The following CMTM4 variants were observed in gnomAD, a reference collection of about 807,000 sequenced individuals.
CMTM4 encodes the protein CKLF like MARVEL transmembrane domain containing 4.
In CMTM4, 8 loss-of-function variants were observed where a neutral mutation model predicts 19.0. The ratio of observed to expected loss-of-function variants is 0.42; its 90% CI spans 0.25 to 0.76. The LOEUF (loss-of-function observed/expected upper bound fraction) is 0.76, where lower values mean the gene tolerates loss of function less well. Ranked by LOEUF, CMTM4 falls within the 30% of genes least tolerant of loss-of-function variation. CMTM4 has a pLI of 0.27. For synonymous variants in CMTM4, 106 were observed against 121.1 expected (o/e 0.88, Z 0.82); for missense variants, 228 against 290.2 (o/e 0.79, Z 1.56).
intron 1 of CMTM4, among the ~76,000 whole-genome samples, chr16:66,655,599 T>C (rs2016385542): frequency 6.7e-6 from 1 of 150,372 alleles, no homozygotes; most frequent in East Asian, 1.9e-4. Context: ...ATTACATACA[T>C]ATATACGAGA....
At position 66,621,225 on chromosome 16, in the gene CMTM4, C is replaced by G. The variant is rs541034354; in HGVS notation, c.*833G>C. The stretch of plus-strand genomic sequence containing the variant: ...CACCTCCCACCTGCGGTTCATGAAG[C>G]CAGCAAATGGGCAAGTGCTTTGGCT... On this transcript the variant is annotated 3_prime_UTR_variant, in exon 4 of 4. Coordinates refer to ENST00000394106, the MANE Select transcript of CMTM4 (RefSeq NM_181521.3). 2.0e-6 allele frequency: 2 copies of G among 985,606 alleles called. No individual in the cohort carries two copies. Among genetic ancestry groups the G allele is most frequent in the East Asian group, 1.1e-4 (1 of 8,820 alleles). The allele number at this position is 985,606 out of a possible 1,614,324, so 61.1% of individuals were successfully genotyped here.
intron 1 of CMTM4, among the ~76,000 whole-genome samples, chr16:66,637,897 AAATG>A (rs2016027069): frequency 6.6e-6 from 1 of 152,192 alleles, no homozygotes; most frequent in Admixed American, 6.5e-5. Flanking sequence ...AGCTTGTGGG[AAATG>A]CAGAATCTCT....
chr16:66,663,279 C>T (rs1464869501), intron 1 of CMTM4, among the ~76,000 whole-genome samples: 3 of 152,128 alleles, frequency 2.0e-5, no homozygotes, highest in Non-Finnish European at 4.4e-5. Flanking sequence ...AAAAGACAAT[C>T]AACAGATGCC....
At chr16:66,627,132 C>G (rs2015758341) in intron 2 of CMTM4, among the ~76,000 whole-genome samples, 1 of 151,960 alleles carries the variant, frequency 6.6e-6, no homozygotes. Flanking sequence ...TGATATAAGG[C>G]AAAAAGGTCT....
At chr16:66,601,032 A>G in the CMTM4 span, among the ~76,000 whole-genome samples, 11 of 151,880 alleles carry the variant, frequency 7.2e-5, no homozygotes, top group African/African-American at 2.7e-4. Flanking sequence ...GCAAAGAGTT[A>G]TATTTTCCTT....
In CMTM4 at chr16:66,617,856, G is replaced by A; in HGVS notation, c.*4202C>T. On this transcript the variant is annotated 3_prime_UTR_variant, in exon 4 of 4. Coordinates refer to ENST00000394106, the MANE Select transcript of CMTM4 (RefSeq NM_181521.3). Reference sequence around the variant, plus strand: ...ACAGGACGGGAAAGACCTGTCCCCAGCATCCCACTCTTGCCCTCAAGCTGA... The same window carrying A: ...ACAGGACGGGAAAGACCTGTCCCCAACATCCCACTCTTGCCCTCAAGCTGA... 1.0e-6 allele frequency: 1 copy of A among 989,948 alleles called. No homozygotes were observed. Among genetic ancestry groups the A allele is most frequent in the Non-Finnish European group, 1.2e-6 (1 of 832,928 alleles). The allele number at this position is 989,948 out of a possible 1,614,324, so 61.3% of individuals were successfully genotyped here. A position where few individuals can be genotyped will look rare whatever the true frequency, so the allele number is the denominator to read the frequency against.
intron 1 of CMTM4, among the ~76,000 whole-genome samples, chr16:66,685,873 G>A (rs1162622905): frequency 2.0e-5 from 3 of 152,150 alleles, no homozygotes; most frequent in African/African-American, 7.2e-5. Context: ...TCGAACTCCT[G>A]AGCTCAGGCA....
intron 1 of CMTM4, among the ~76,000 whole-genome samples, chr16:66,648,294 C>G (rs2144834464): frequency 6.6e-6 from 1 of 152,344 alleles, no homozygotes; most frequent in South Asian, 2.1e-4. Flanking sequence ...TTGTTACTAC[C>G]TAGTATTCTT....
rs1249878054 is a variant in CMTM4, at chr16:66,631,372, C to T, written c.363+5033G>A. Among the ~76,000 whole-genome samples the T allele has an allele frequency of 5.9e-5, 9 of 151,890 alleles. No individual in the cohort carries two copies. In the East Asian group the frequency reaches 1.6e-3, roughly 26 times the overall value. On this transcript the variant is annotated intron_variant, in intron 2 of 3. Transcript: ENST00000394106. ...GAGGTGAGGGGCGCCTCTGCCCGGC[C>T]GCCCCTACTGGGAAGTGAGGAGCCC... is the stretch of plus-strand genomic sequence containing the variant.
chr16:66,655,365 G>C lies in CMTM4; in HGVS notation c.187-18784C>G, dbSNP rs563684116. Among the ~76,000 whole-genome samples, 10 of 152,088 alleles carry C rather than the reference G, an allele frequency of 6.6e-5. No individual in the cohort carries two copies. In the South Asian group the frequency reaches 2.1e-3, roughly 32 times the overall value. The stretch of plus-strand genomic sequence containing the variant: ...TAAGCACCCCAAGTACCCAGATTGA[G>C]GTCTCTAAATAATATTTCCTACTAA... On this transcript the variant is annotated intron_variant, in intron 1 of 3. Coordinates refer to ENST00000394106, the MANE Select transcript of CMTM4 (RefSeq NM_181521.3).
intron 1 of CMTM4, among the ~76,000 whole-genome samples, chr16:66,639,504 G>A (rs957689205): frequency 6.6e-6 from 1 of 152,134 alleles, no homozygotes; most frequent in Non-Finnish European, 1.5e-5. Flanking sequence ...GAGTGAGTTA[G>A]TGATAAGAAC....
At chr16:66,653,977 G>A (rs947696784) in intron 1 of CMTM4, among the ~76,000 whole-genome samples, 3 of 152,100 alleles carry the variant, frequency 2.0e-5, no homozygotes, top group African/African-American at 7.2e-5. Context: ...CTGGCCTCAA[G>A]TGATCCACCT....
chr16:66,677,570 C>T (rs778348093), intron 1 of CMTM4, among the ~76,000 whole-genome samples: 13 of 152,234 alleles, frequency 8.5e-5, no homozygotes, highest in Non-Finnish European at 1.9e-4. Flanking sequence ...ATGTTTCCCA[C>T]GGCCACCTCA....
intron 1 of CMTM4, among the ~76,000 whole-genome samples, chr16:66,637,178 A>T (rs917734912): frequency 8.5e-5 from 13 of 152,226 alleles, no homozygotes; most frequent in African/African-American, 2.7e-4. Flanking sequence ...GGTTTTAAAA[A>T]ATATATTTTT....
At chr16:66,695,453 G>C (rs901340587) in intron 1 of CMTM4, among the ~76,000 whole-genome samples, 1 of 152,168 alleles carries the variant, frequency 6.6e-6, no homozygotes, top group Non-Finnish European at 1.5e-5. Flanking sequence ...GAGAATGTTG[G>C]GGGGACACAC....
intron 3 of CMTM4, among the ~76,000 whole-genome samples, chr16:66,623,131 C>T (rs1464635781): frequency 6.6e-6 from 1 of 152,238 alleles, no homozygotes; most frequent in Admixed American, 6.5e-5. Flanking sequence ...GAGAGCACAT[C>T]TGTATCATCC....
chr16:66,604,873 C>A, the CMTM4 span: 1 of 1,412,440 alleles, frequency 7.1e-7, no homozygotes, highest in African/African-American at 1.5e-5. Context: ...CCCGGCCCCG[C>A]GGTCCCCGGG....
At chr16:66,675,242 G>T (rs1186386837) in intron 1 of CMTM4, among the ~76,000 whole-genome samples, 1 of 150,536 alleles carries the variant, frequency 6.6e-6, no homozygotes, top group African/African-American at 2.4e-5. Flanking sequence ...CAACATGCCC[G>T]GCTAATTTTT....
intron 1 of CMTM4, among the ~76,000 whole-genome samples, chr16:66,690,210 T>C (rs2017110142): frequency 6.6e-6 from 1 of 152,204 alleles, no homozygotes; most frequent in Non-Finnish European, 1.5e-5. Context: ...TATGCGCTTG[T>C]ATATGCATGA....
Sources: gnomAD v4.1 joint callset for allele counts (sites outside exome capture counted in the v4.1 genomes callset) on GRCh38, gnomAD v4.1.1 for gene constraint, MANE v1.5 for transcripts, NCBI Gene and HGNC (gene_info 2026-07-23, HGNC 2026-07-21) for gene names.